Variants in RNF139 observed in about 807,000 individuals in gnomAD.
The protein encoded by RNF139 is E3 ubiquitin-protein ligase RNF139.
Under a neutral mutation model 49.5 loss-of-function variants are expected in RNF139, and 15 were observed. The observed-to-expected ratio is 0.30, with a 90% CI of 0.20 to 0.47. RNF139 has a LOEUF of 0.47. Ranked by LOEUF, RNF139 falls within the 20% of genes least tolerant of loss-of-function variation. The pLI is 1.00. For synonymous variants in RNF139, 325 were observed against 300.9 expected (o/e 1.08, Z -0.83); for missense variants, 619 against 806.3 (o/e 0.77, Z 2.81).
At chr8:124,482,501 A>G (rs1442875473) in intron 1 of RNF139, among the ~76,000 whole-genome samples, 2 of 152,040 alleles carry the variant, frequency 1.3e-5, no homozygotes, top group Non-Finnish European at 2.9e-5. Context: ...TTTGTTTTAA[A>G]GTTTCTGAAG....
At position 124,485,895 on chromosome 8, in the gene RNF139, C is replaced by T; in HGVS notation, c.246C>T (p.Tyr82=). The T allele has an allele frequency of 6.2e-7, 1 of 1,613,914 alleles. No homozygotes were observed. The highest frequency in any genetic ancestry group is 1.1e-5 in the South Asian group (1 of 91,076). ...GATCACTTTTCAAGTTTTACACGTA[C>T]AGCTCAGCCTTTCTGTTAGCTGCAA... ...SQRSLFKFYT[Y]SSAFLLAATS... The change falls in exon 2 of 2, where the codon TAC becomes TAT. Residue 82 remains tyrosine (Y), a synonymous_variant. Coordinates refer to ENST00000303545, the MANE Select transcript of RNF139 (RefSeq NM_007218.4).
In RNF139 at chr8:124,483,724, C is replaced by T. The variant is rs77622296; in HGVS notation, c.182-2107C>T. ...GGATTACCATTGTGAGCCACCACAC[C>T]CAGCCAAGATGGATTTTTAATTTGG... On this transcript the variant is annotated intron_variant, in intron 1 of 1. Coordinates refer to ENST00000303545, the MANE Select transcript of RNF139 (RefSeq NM_007218.4). Among the ~76,000 whole-genome samples, 1,504 of 152,158 alleles carry T rather than the reference C, an allele frequency of 9.9e-3. 33 individuals carry two copies. The highest frequency in any genetic ancestry group is 0.035 in the African/African-American group (1,438 of 41,492).
At position 124,475,272 on chromosome 8, in the gene RNF139, A is replaced by C. The variant is rs746367794; in HGVS notation, c.163A>C (p.Ile55Leu). 3.1e-6 allele frequency: 5 copies of C among 1,612,998 alleles called. No individual in the cohort carries two copies. Among genetic ancestry groups the C allele is most frequent in the Non-Finnish European group, 4.2e-6 (5 of 1,179,496 alleles). Residue 55 changes from isoleucine (I) to leucine (L), a missense_variant, in exon 1 of 2, where the codon ATC becomes CTC. By Grantham distance (5) the Ile-to-Leu change is conservative (BLOSUM62 2). Coordinates refer to ENST00000303545, the MANE Select transcript of RNF139 (RefSeq NM_007218.4). Reference sequence around the variant, plus strand: ...AAGCCGGTTCTGCATCGTGCTCCAGATCTTCCTCCGGCTCTTTGGTAAGGG... The same window carrying C: ...AAGCCGGTTCTGCATCGTGCTCCAGCTCTTCCTCCGGCTCTTTGGTAAGGG... ...SQSRFCIVLQIFLRLFGVFAS... is the reference protein window; with the variant it reads ...SQSRFCIVLQLFLRLFGVFAS...
chr8:124,475,417 A>G, intron 1 of RNF139, 127 bp downstream of exon 1: 1 of 965,986 alleles, frequency 1.0e-6, no homozygotes. Flanking sequence ...TTCATCCCTC[A>G]AAGGGTCGTC....
chr8:124,482,931 AAT>A (rs1348916273), intron 1 of RNF139, among the ~76,000 whole-genome samples: 5 of 109,250 alleles, frequency 4.6e-5, no homozygotes, highest in East Asian at 4.5e-4. Context: ...CATTAAAAAA[AAT>A]ATAAAAAAAA....
rs1221004368 is a variant in RNF139 at position 124,487,830 on chromosome 8, CTT to C, written c.*188_*189del. On this transcript the variant is annotated 3_prime_UTR_variant, in exon 2 of 2. Coordinates refer to ENST00000303545, the MANE Select transcript of RNF139 (RefSeq NM_007218.4). ...ATACCTCTTTAATTACTTCTGGTCT[CTT>C]TGGTGACCTGTTTAAATTTGTGTAC... is the stretch of plus-strand genomic sequence containing the variant. 4 of 558,788 alleles carry C rather than the reference CTT, an allele frequency of 7.2e-6. No homozygotes were observed. The highest frequency in any genetic ancestry group is 1.2e-5 in the Non-Finnish European group (4 of 323,888). The allele number at this position is 558,788 out of a possible 1,614,324, so 34.6% of individuals were successfully genotyped here.
chr8:124,476,314 T>C (rs1816313553), intron 1 of RNF139, among the ~76,000 whole-genome samples: 1 of 152,202 alleles, frequency 6.6e-6, no homozygotes, highest in Non-Finnish European at 1.5e-5. Flanking sequence ...TTGCAAAGCA[T>C]TTTCACTGGT....
chr8:124,479,237 C>T (rs1051134769), intron 1 of RNF139, among the ~76,000 whole-genome samples: 2 of 152,076 alleles, frequency 1.3e-5, no homozygotes, highest in South Asian at 2.1e-4. Context: ...ATGCCTGGCT[C>T]GTACAACTTT....
Position 124,488,439 on chromosome 8 carries a change from T to A in RNF139, c.*795T>A, listed in dbSNP as rs1816594650. ...ATGATATAAAAACATCCTGATCTGA[T>A]TTTACGAGAAAAAGAAGGGGAATGG... On this transcript the variant is annotated 3_prime_UTR_variant, in exon 2 of 2. Coordinates refer to ENST00000303545, the MANE Select transcript of RNF139 (RefSeq NM_007218.4). The A allele has an allele frequency of 4.2e-6, 2 of 480,494 alleles. No homozygotes were observed. Among genetic ancestry groups the A allele is most frequent in the Admixed American group, 8.3e-5 (2 of 24,180 alleles). 29.8% of individuals were successfully genotyped at this position (480,494 alleles called of 1,614,324 possible).
intron 1 of RNF139, among the ~76,000 whole-genome samples, chr8:124,479,007 G>A (rs1184254826): frequency 6.6e-6 from 1 of 152,164 alleles, no homozygotes; most frequent in East Asian, 1.9e-4. Flanking sequence ...TTACAGGCGT[G>A]AGCCACCGTG....
In RNF139 at chr8:124,478,150, A is replaced by C. The variant is rs568268918; in HGVS notation, c.181+2860A>C. Among the ~76,000 whole-genome samples, 3 of 151,754 alleles carry C rather than the reference A, an allele frequency of 2.0e-5. No individual in the cohort carries two copies. In the East Asian group the frequency reaches 5.8e-4, roughly 29 times the overall value. Reference sequence around the variant, plus strand: ...GAGTGAGACTCTGTCTAAAAAAAAAAACAAAACAAAACAAGAAAAAACTTA... The same window carrying C: ...GAGTGAGACTCTGTCTAAAAAAAAACACAAAACAAAACAAGAAAAAACTTA... On this transcript the variant is annotated intron_variant, in intron 1 of 1. Transcript: ENST00000303545.
intron 1 of RNF139, among the ~76,000 whole-genome samples, chr8:124,477,618 T>C (rs897460963): frequency 1.3e-5 from 2 of 152,194 alleles, no homozygotes; most frequent in African/African-American, 4.8e-5. Context: ...TAATTTGAGA[T>C]TTCAACCGGT....
At position 124,487,825 on chromosome 8, in the gene RNF139, G is replaced by T; in HGVS notation, c.*181G>T. ...TAAATATACCTCTTTAATTACTTCTGGTCTCTTTGGTGACCTGTTTAAATT... is the reference window on the plus strand; with the variant it reads ...TAAATATACCTCTTTAATTACTTCTTGTCTCTTTGGTGACCTGTTTAAATT... On this transcript the variant is annotated 3_prime_UTR_variant, in exon 2 of 2. Transcript: ENST00000303545. 1 of 577,230 alleles carries T rather than the reference G, an allele frequency of 1.7e-6. No homozygotes were observed. The highest frequency in any genetic ancestry group is 1.9e-5 in the African/African-American group (1 of 53,428). 35.8% of individuals were successfully genotyped at this position (577,230 alleles called of 1,614,324 possible).
chr8:124,478,533 G>A (rs907311767), intron 1 of RNF139, among the ~76,000 whole-genome samples: 11 of 151,176 alleles, frequency 7.3e-5, no homozygotes, highest in Admixed American at 5.3e-4. Flanking sequence ...TCTCGAATCG[G>A]GGAGGTGGAG....
chr8:124,488,591 C>A lies in RNF139; in HGVS notation c.*947C>A. The stretch of plus-strand genomic sequence containing the variant: ...ATGATGGAAAGTGGAAGACATATAC[C>A]AATTATATTCCAGGAAAAAATACTT... On this transcript the variant is annotated 3_prime_UTR_variant, in exon 2 of 2. Coordinates refer to ENST00000303545, the MANE Select transcript of RNF139 (RefSeq NM_007218.4). The A allele has an allele frequency of 1.4e-6, 2 of 1,413,246 alleles. No individual in the cohort carries two copies. The highest frequency in any genetic ancestry group is 2.0e-6 in the Non-Finnish European group (2 of 1,011,804). The allele number at this position is 1,413,246 out of a possible 1,614,324, so 87.5% of individuals were successfully genotyped here.
rs1350166841 is a variant in RNF139 at position 124,487,850 on chromosome 8, T to C, written c.*206T>C. On this transcript the variant is annotated 3_prime_UTR_variant, in exon 2 of 2. Transcript: ENST00000303545. ...GGTCTCTTTGGTGACCTGTTTAAAT[T>C]TGTGTACATTATTGTACATAGAATA... The C allele has an allele frequency of 1.9e-6, 1 of 530,948 alleles. No homozygotes were observed. Among genetic ancestry groups the C allele is most frequent in the East Asian group, 3.0e-5 (1 of 33,284 alleles). The allele number at this position is 530,948 out of a possible 1,614,324, so 32.9% of individuals were successfully genotyped here.
chr8:124,475,041 G>A lies in RNF139; in HGVS notation c.-69G>A. On this transcript the variant is annotated 5_prime_UTR_variant, in exon 1 of 2. Transcript: ENST00000303545. ...GTTGCCCGCCTTAGCCCCCGCCCCC[G>A]GCCGCGGCCCCGGGCCCTGCCCCGC... 1 of 1,136,964 alleles carries A rather than the reference G, an allele frequency of 8.8e-7. No individual in the cohort carries two copies. The highest frequency in any genetic ancestry group is 1.1e-6 in the Non-Finnish European group (1 of 905,832). 70.4% of individuals were successfully genotyped at this position (1,136,964 alleles called of 1,614,324 possible). A position where few individuals can be genotyped will look rare whatever the true frequency, so the allele number is the denominator to read the frequency against.
chr8:124,478,780 CG>C (rs1335067252), intron 1 of RNF139, among the ~76,000 whole-genome samples: 1 of 148,984 alleles, frequency 6.7e-6, no homozygotes, highest in African/African-American at 2.5e-5. Context: ...AGTGCAATGG[CG>C]TGATCTCGGC....
rs138231408 is a variant in RNF139 at position 124,486,218 on chromosome 8, C to T, written c.569C>T (p.Thr190Ile). 128 of 1,614,036 alleles carry T rather than the reference C, an allele frequency of 7.9e-5. No homozygotes were observed. Among genetic ancestry groups the T allele is most frequent in the Non-Finnish European group, 9.7e-5 (115 of 1,180,010 alleles). The part of the protein sequence containing the change: ...FTSSLILTLN[T>I]VFVLAVKLKW... ...TCTTCCTTGATTCTCACATTAAATA[C>T]AGTGTTTGTCCTGGCAGTGAAACTG... The change falls in exon 2 of 2, where the codon ACA becomes ATA. Residue 190 changes from threonine (T) to isoleucine (I), a missense_variant. Thr to Ile is a moderately conservative substitution (Grantham distance 89). Coordinates refer to ENST00000303545, the MANE Select transcript of RNF139 (RefSeq NM_007218.4).
Sources: gnomAD v4.1 joint callset for allele counts (sites outside exome capture counted in the v4.1 genomes callset) on GRCh38, gnomAD v4.1.1 for gene constraint, MANE v1.5 for transcripts, NCBI Gene and HGNC (gene_info 2026-07-23, HGNC 2026-07-21) for gene names.